Variants in SETD2 observed in about 807,000 individuals in gnomAD.
SETD2 encodes the protein SET domain containing 2, histone lysine methyltransferase, also known as histone-lysine N-methyltransferase SETD2.
SETD2 carries 31 observed loss-of-function variants against 242.1 expected under a neutral mutation model. That is an observed-to-expected ratio of 0.13 (90% CI 0.10 to 0.17). The LOEUF (loss-of-function observed/expected upper bound fraction) is 0.17, where lower values mean the gene tolerates loss of function less well. SETD2 is among the 10% of genes least tolerant of loss of function. The pLI, the probability that SETD2 is intolerant of heterozygous loss-of-function variation, is 1.00. For missense variants in SETD2, 2,481 were observed against 3,046.3 expected, an observed-to-expected ratio of 0.81 and a Z score of 4.37; for synonymous variants, 1,006 against 1,066.5, an observed-to-expected ratio of 0.94 and a Z score of 1.11.
At chr3:47,042,239 G>A (rs957288517) in intron 17 of SETD2, among the ~76,000 whole-genome samples, 3 of 152,216 alleles carry the variant, frequency 2.0e-5, no homozygotes, top group African/African-American at 7.2e-5. Context: ...GTACATGCCT[G>A]TAATCCCAGC....
In SETD2 at chr3:47,088,131, G is replaced by A. The variant is rs755494787; in HGVS notation, c.5259C>T (p.Thr1753=). ...VRIETLEQKL[T]CLELIQNTHS... Reference sequence around the variant, plus strand: ...TGTTCACCTGTATGAGTTCCAGACAGGTAAGTTTCTGCTCCAAAGTTTCAA... The same window carrying A: ...TGTTCACCTGTATGAGTTCCAGACAAGTAAGTTTCTGCTCCAAAGTTTCAA... The change falls in exon 10 of 21, where the codon ACC becomes ACT. Residue 1753 remains threonine (T), a synonymous_variant. Transcript: ENST00000409792. 6.2e-7 allele frequency: 1 copy of A among 1,613,596 alleles called. No homozygotes were observed. Among genetic ancestry groups the A allele is most frequent in the Non-Finnish European group, 8.5e-7 (1 of 1,179,902 alleles).
chr3:47,104,612 G>C (rs2042338706), intron 6 of SETD2, among the ~76,000 whole-genome samples: 1 of 152,092 alleles, frequency 6.6e-6, no homozygotes, highest in Non-Finnish European at 1.5e-5. Flanking sequence ...TATTGTTACA[G>C]TTAAGTCCTC....
intron 17 of SETD2, among the ~76,000 whole-genome samples, chr3:47,040,563 A>T (rs2039231527): frequency 7.8e-6 from 1 of 128,672 alleles, no homozygotes; most frequent in Non-Finnish European, 1.6e-5. Flanking sequence ...GACATGAGGG[A>T]AAAGGATTTT....
At chr3:47,145,738 A>C (rs1194828421) in intron 1 of SETD2, among the ~76,000 whole-genome samples, 1 of 152,188 alleles carries the variant, frequency 6.6e-6, no homozygotes, top group Non-Finnish European at 1.5e-5. Context: ...GCAGCTGAAC[A>C]GGTGTGGTGG....
intron 1 of SETD2, among the ~76,000 whole-genome samples, chr3:47,143,714 CT>C (rs956079331): frequency 2.1e-4 from 31 of 147,938 alleles, no homozygotes; most frequent in Non-Finnish European, 2.3e-4. Context: ...TATACCAGAA[CT>C]TTTTTTTTTT....
intron 18 of SETD2, 61 bp downstream of exon 18, chr3:47,037,605 G>C: frequency 3.3e-6 from 4 of 1,223,380 alleles, no homozygotes; most frequent in Non-Finnish European, 4.8e-6. Flanking sequence ...CCAAGACCAT[G>C]CGGGATGGTC....
chr3:47,088,360 C>T (rs1446233427), intron 9 of SETD2, 113 bp from the exon 10 acceptor site: 3 of 1,007,938 alleles, frequency 3.0e-6, no homozygotes, highest in Non-Finnish European at 4.3e-6. Flanking sequence ...CAAATGAAGA[C>T]CAAACTGGGA....
rs747170105 is a variant in SETD2, at chr3:47,083,855, A to G, written c.5925T>C (p.Asn1975=). The change falls in exon 12 of 21, where the codon AAT becomes AAC. Residue 1975 remains asparagine (N), a synonymous_variant. Coordinates refer to ENST00000409792, the MANE Select transcript of SETD2 (RefSeq NM_014159.7). The stretch of plus-strand genomic sequence containing the variant: ...CTTCATCTTGGGATGGTGTTTCTTC[A>G]TTAATAGGTTCTTCTAGTTTTGTGC... ...SNGTKLEEPI[N]EETPSQDEEE... is the part of the protein sequence containing the mutation. 2 of 1,614,076 alleles carry G rather than the reference A, an allele frequency of 1.2e-6. No homozygotes were observed. The highest frequency in any genetic ancestry group is 1.7e-6 in the Non-Finnish European group (2 of 1,179,990).
At position 47,121,752 on chromosome 3, in the gene SETD2, C is replaced by T. The variant is rs1288231134; in HGVS notation, c.2884G>A (p.Ala962Thr). ...NGLSGKCLQEAQEEGNSILPE... is the reference protein window; with the variant it reads ...NGLSGKCLQETQEEGNSILPE... Reference sequence around the variant, plus strand: ...AATATGGAATTCCCTTCTTCTTGAGCCTCTTGCAAACATTTCCCAGATAAC... The same window carrying T: ...AATATGGAATTCCCTTCTTCTTGAGTCTCTTGCAAACATTTCCCAGATAAC... Residue 962 changes from alanine to threonine, a missense_variant, in exon 3 of 21, where the codon GCT (alanine) becomes ACT (threonine). Physicochemically the swap from Ala to Thr is moderately conservative, Grantham distance 58. Around this residue, in one of 17 missense-constraint regions of SETD2, gnomAD observed 1,300 missense variants for 1,259.2 expected, o/e 1.03. Transcript: ENST00000409792. 1 of 1,614,156 alleles carries T rather than the reference C, an allele frequency of 6.2e-7. No individual in the cohort carries two copies. Among genetic ancestry groups the T allele is most frequent in the East Asian group, 2.2e-5 (1 of 44,882 alleles).
intron 11 of SETD2, 46 bp from the exon 12 acceptor site, chr3:47,084,428 T>A: frequency 2.8e-6 from 1 of 355,152 alleles, no homozygotes; most frequent in Non-Finnish European, 3.5e-6. Context: ...ACAGTTGACT[T>A]TTTTTTTTTT....
intron 15 of SETD2, among the ~76,000 whole-genome samples, chr3:47,047,438 G>A (rs2039581508): frequency 6.6e-6 from 1 of 152,228 alleles, no homozygotes; most frequent in African/African-American, 2.4e-5. Flanking sequence ...AAGAGGTGGT[G>A]ACTGTTAAGG....
At chr3:47,029,908 C>A (rs1217193512) in intron 18 of SETD2, among the ~76,000 whole-genome samples, 1 of 152,116 alleles carries the variant, frequency 6.6e-6, no homozygotes, top group Non-Finnish European at 1.5e-5. Context: ...GTAATCCCAG[C>A]ACTTTGGGAA....
At position 47,122,057 on chromosome 3, in the gene SETD2, C is replaced by A. The variant is rs1292988403; in HGVS notation, c.2579G>T (p.Ser860Ile). Residue 860 changes from serine to isoleucine, a missense_variant, in exon 3 of 21, where the codon AGT becomes ATT. Around this residue, in one of 17 missense-constraint regions of SETD2, gnomAD observed 1,300 missense variants for 1,259.2 expected, o/e 1.03. Coordinates refer to ENST00000409792, the MANE Select transcript of SETD2 (RefSeq NM_014159.7). The part of the protein sequence containing the change: ...EEYKQSIGST[S>I]SASVNHFDDL... ...ATCAAAATGATTAACAGAAGCTGAA[C>A]TAGTGCTACCGATGCTCTGCTTATA... The A allele has an allele frequency of 1.9e-6, 3 of 1,613,770 alleles. No individual in the cohort carries two copies. Among genetic ancestry groups the A allele is most frequent in the Non-Finnish European group, 1.7e-6 (2 of 1,179,968 alleles).
At chr3:47,096,136 C>T (rs955862284) in intron 9 of SETD2, among the ~76,000 whole-genome samples, 18 of 152,256 alleles carry the variant, frequency 1.2e-4, no homozygotes, top group Admixed American at 9.2e-4. Context: ...ATTGTTATGG[C>T]CATAGTTGCC....
intron 18 of SETD2, among the ~76,000 whole-genome samples, chr3:47,023,414 A>G (rs1242527065): frequency 6.6e-6 from 1 of 152,140 alleles, no homozygotes; most frequent in East Asian, 1.9e-4. Flanking sequence ...AAGAAAAAAA[A>G]AATACTGTTT....
At chr3:47,086,411 T>C in intron 10 of SETD2, 97 bp from the exon 11 acceptor site, 3 of 1,225,484 alleles carry the variant, frequency 2.4e-6, no homozygotes, top group Non-Finnish European at 3.4e-6. Context: ...CGTTACACAT[T>C]ATAGGGTTCA....
intron 2 of SETD2, among the ~76,000 whole-genome samples, chr3:47,125,716 G>C (rs886898181): frequency 1.3e-5 from 2 of 152,282 alleles, no homozygotes; most frequent in East Asian, 3.9e-4. Context: ...AACCTAAGAA[G>C]ACTACTTTTC....
chr3:47,114,876 C>CAAAAA (rs764948151), intron 4 of SETD2, among the ~76,000 whole-genome samples: 4 of 55,050 alleles, frequency 7.3e-5, no homozygotes, highest in Admixed American at 1.9e-4. Flanking sequence ...GAGACTGTCT[C>CAAAAA]AAAAAAAAAA....
chr3:47,142,385 TGTA>T, intron 1 of SETD2, among the ~76,000 whole-genome samples: 2 of 152,014 alleles, frequency 1.3e-5, no homozygotes, highest in East Asian at 3.9e-4. Context: ...GGTGTGCGCC[TGTA>T]GTCCCAGCTA....
Sources: gnomAD v4.1 joint callset for allele counts (sites outside exome capture counted in the v4.1 genomes callset) on GRCh38, gnomAD v4.1.1 for gene constraint, gnomAD v4.1.1 regional missense constraint, MANE v1.5 for transcripts, NCBI Gene and HGNC (gene_info 2026-07-23, HGNC 2026-07-21) for gene names.